The following CERS4 variants were observed in gnomAD, a reference collection of about 807,000 sequenced individuals.
CERS4 encodes LAG1 homolog, ceramide synthase 4.
Under a neutral mutation model 51.8 loss-of-function variants are expected in CERS4, and 65 were observed. That is an observed-to-expected ratio of 1.26 (90% CI 1.03 to 1.54). The LOEUF (loss-of-function observed/expected upper bound fraction) is 1.54. CERS4 is among the 40% of genes most tolerant of loss of function. The pLI, the probability that CERS4 is intolerant of heterozygous loss-of-function variation, is 0.00. For synonymous variants in CERS4, 228 were observed against 208.4 expected (o/e 1.09, Z -0.81); for missense variants, 563 against 500.4 (o/e 1.13, Z -1.19).
chr19:8,211,093 G>C (rs191968898), intron 2 of CERS4, among the ~76,000 whole-genome samples: 9 of 152,054 alleles, frequency 5.9e-5, no homozygotes, highest in Non-Finnish European at 1.2e-4. Flanking sequence ...TGGGAGTTCA[G>C]GGGGATGTAT....
At chr19:8,217,454 C>T (rs970358264) in intron 2 of CERS4, among the ~76,000 whole-genome samples, 1 of 151,746 alleles carries the variant, frequency 6.6e-6, no homozygotes, top group African/African-American at 2.4e-5. Flanking sequence ...CTGCAATCTC[C>T]GCCTCCCGAG....
intron 2 of CERS4, among the ~76,000 whole-genome samples, chr19:8,217,826 C>T (rs1296452205): frequency 6.6e-6 from 1 of 151,904 alleles, no homozygotes; most frequent in East Asian, 1.9e-4. Context: ...CGTGAGCCAC[C>T]GCACCTGGCT....
intron 2 of CERS4, among the ~76,000 whole-genome samples, chr19:8,234,705 C>T (rs530693796): frequency 7.2e-6 from 1 of 139,470 alleles, no homozygotes; most frequent in South Asian, 2.3e-4. Flanking sequence ...AGGCACGCAT[C>T]ACTATGCCCA....
intron 2 of CERS4, among the ~76,000 whole-genome samples, chr19:8,226,057 T>TGCG (rs1195134259): frequency 6.6e-6 from 1 of 151,654 alleles, no homozygotes; most frequent in African/African-American, 2.4e-5. Context: ...ATTAGCCAGG[T>TGCG]GTGGTGGCGC....
intron 10 of CERS4, among the ~76,000 whole-genome samples, chr19:8,259,459 A>AC (rs1306784754): frequency 6.6e-6 from 1 of 151,792 alleles, no homozygotes; most frequent in Non-Finnish European, 1.5e-5. Context: ...TTTGGCTTTG[A>AC]CCCCGGGGGA....
At chr19:8,236,699 AAAG>A (rs771024710) in intron 2 of CERS4, among the ~76,000 whole-genome samples, 225 of 21,122 alleles carry the variant, frequency 0.011, 1 homozygote, top group African/African-American at 0.024. Flanking sequence ...AAAAAAAAAA[AAAG>A]AAAGAAAGAA....
At position 8,257,040 on chromosome 19, in the gene CERS4, T is replaced by G; in HGVS notation, c.704T>G (p.Val235Gly). 1 of 1,612,492 alleles carries G rather than the reference T, an allele frequency of 6.2e-7. No individual in the cohort carries two copies. The highest frequency in any genetic ancestry group is 1.7e-5 in the Admixed American group (1 of 59,830). Residue 235 changes from valine (V) to glycine (G), a missense_variant, in exon 9 of 12, where the codon GTG becomes GGG. By Grantham distance (109) the Val-to-Gly change is moderately radical. Transcript: ENST00000251363. ...SANLLRIGSL[V>G]LLLHDSSDYL... ...AACCTGCTGCGCATTGGCTCTCTGG[T>G]GCTGCTGTTACACGATTCCTCTGAC...
chr19:8,228,746 G>A (rs1967888946), intron 2 of CERS4, among the ~76,000 whole-genome samples: 1 of 151,130 alleles, frequency 6.6e-6, no homozygotes. Flanking sequence ...AGTGAAGGCC[G>A]ATCATGGTGG....
intron 4 of CERS4, among the ~76,000 whole-genome samples, 170 bp from the exon 5 acceptor site, chr19:8,255,437 G>A (rs1434230574): frequency 1.3e-5 from 2 of 152,188 alleles, no homozygotes; most frequent in Non-Finnish European, 2.9e-5. Flanking sequence ...CAAGTGTTCT[G>A]CAGGGCCCCA....
chr19:8,247,321 TC>T (rs1303432970), intron 2 of CERS4, among the ~76,000 whole-genome samples: 1 of 150,098 alleles, frequency 6.7e-6, no homozygotes, highest in Non-Finnish European at 1.5e-5. Context: ...TGCTCCAACA[TC>T]CCAGGCATGG....
chr19:8,223,327 T>TTGGCC (rs1967640662), intron 2 of CERS4, among the ~76,000 whole-genome samples: 1 of 151,732 alleles, frequency 6.6e-6, no homozygotes, highest in South Asian at 2.1e-4. Flanking sequence ...TCTTTTTTAA[T>TTGGCC]TGGCCGGGCC....
rs116659063 is a variant in CERS4, at chr19:8,257,923, C to T, written c.786C>T (p.Asp262=). 936 of 1,614,034 alleles carry T rather than the reference C, an allele frequency of 5.8e-4. 3 individuals are homozygous for T. In the African/African-American group the frequency reaches 6.6e-3, roughly 11 times the overall value. ...VNYMQYQQVC[D]ALFLIFSFVF... ...ACATGCAGTATCAGCAAGTGTGCGACGCTCTCTTCCTCATCTTCTCCTTTG... is the reference window on the plus strand; with the variant it reads ...ACATGCAGTATCAGCAAGTGTGCGATGCTCTCTTCCTCATCTTCTCCTTTG... The change falls in exon 10 of 12, where the codon GAC becomes GAT. Residue 262 remains aspartate (D), a synonymous_variant. Transcript: ENST00000251363.
rs770320699 is a variant in CERS4 at position 8,254,565 on chromosome 19, C to T, written c.240C>T (p.Pro80=). ...ATCAGACCAGGAGGCAAGTGAAGCC[C>T]AACGCCACGCTGGAGAAACACTTCC... ...VRDQTRRQVK[P]NATLEKHFLT... Residue 80 remains proline (P), a synonymous_variant, in exon 4 of 12, where the codon CCC becomes CCT. Transcript: ENST00000251363. 5 of 1,613,422 alleles carry T rather than the reference C, an allele frequency of 3.1e-6. No homozygotes were observed. The highest frequency in any genetic ancestry group is 3.3e-5 in the Admixed American group (2 of 59,956).
At chr19:8,213,109 C>T (rs181536874) in intron 2 of CERS4, among the ~76,000 whole-genome samples, 3 of 150,648 alleles carry the variant, frequency 2.0e-5, no homozygotes, top group Non-Finnish European at 3.0e-5. Flanking sequence ...GTGCGATCTT[C>T]GCCCACTGCA....
At chr19:8,215,853 A>G (rs1394602349) in intron 2 of CERS4, among the ~76,000 whole-genome samples, 1 of 152,104 alleles carries the variant, frequency 6.6e-6, no homozygotes, top group Non-Finnish European at 1.5e-5. Flanking sequence ...GGGTGATGGC[A>G]CCCAGACGGT....
intron 2 of CERS4, among the ~76,000 whole-genome samples, chr19:8,216,560 G>A (rs1182638626): frequency 6.6e-6 from 1 of 151,662 alleles, no homozygotes; most frequent in East Asian, 1.9e-4. Context: ...CAGATCACTT[G>A]AGCCCAGGAG....
chr19:8,210,156 G>A lies in CERS4; in HGVS notation c.-158-550G>A, dbSNP rs1042316150. On this transcript the variant is annotated intron_variant, in intron 1 of 11. Transcript: ENST00000251363. This position sits in a 1 kb window ranked among gnomAD's most constrained non-coding sequence, Gnocchi z 4.2. ...CGAGGAGAGTGTGGAACCCGTTCTC[G>A]GGGCGGTGGGGACCAGGGAGGCTTG... Among the ~76,000 whole-genome samples the A allele has an allele frequency of 6.6e-6, 1 of 152,126 alleles. No individual in the cohort carries two copies. The highest frequency in any genetic ancestry group is 2.4e-5 in the African/African-American group (1 of 41,438).
intron 2 of CERS4, among the ~76,000 whole-genome samples, chr19:8,236,751 C>T: frequency 6.6e-6 from 1 of 150,968 alleles, no homozygotes. Flanking sequence ...CCTGTAATCC[C>T]AGCACTTTGG....
chr19:8,220,825 T>C (rs1255287397), intron 2 of CERS4, among the ~76,000 whole-genome samples: 1 of 149,912 alleles, frequency 6.7e-6, no homozygotes, highest in Non-Finnish European at 1.5e-5. Flanking sequence ...GTGTTTTTTT[T>C]TTTGTTTTTT....
Sources: gnomAD v4.1 joint callset for allele counts (sites outside exome capture counted in the v4.1 genomes callset) on GRCh38, gnomAD v4.1.1 for gene constraint, Gnocchi (gnomAD v3.1) non-coding constraint, MANE v1.5 for transcripts, NCBI Gene and HGNC (gene_info 2026-07-23, HGNC 2026-07-21) for gene names.